Variants in TBXAS1 observed in about 807,000 individuals in gnomAD.
TBXAS1 encodes the protein thromboxane-A synthase.
In TBXAS1, 48 loss-of-function variants were observed where a neutral mutation model predicts 60.7. The observed-to-expected ratio is 0.79, with a 90% confidence interval of 0.63 to 1.01. The LOEUF is 1.01. Ranked by LOEUF, TBXAS1 falls within the 50% of genes least tolerant of loss-of-function variation. TBXAS1 has a pLI of 0.00. For missense variants in TBXAS1, 685 were observed against 686.3 expected (o/e 1.00, Z 0.02); for synonymous variants, 287 against 269.7 (o/e 1.06, Z -0.63).
At chr7:140,015,541 T>C (rs956243754) in intron 10 of TBXAS1, among the ~76,000 whole-genome samples, 182 bp from the exon 11 acceptor site, 2 of 151,964 alleles carry the variant, frequency 1.3e-5, no homozygotes, top group Non-Finnish European at 2.9e-5. Flanking sequence ...GGTAATGGGG[T>C]AGGGGCTTGG....
At chr7:139,856,909 C>G (rs932788668) in intron 1 of TBXAS1, among the ~76,000 whole-genome samples, 13 of 152,108 alleles carry the variant, frequency 8.5e-5, no homozygotes, top group Non-Finnish European at 1.5e-4. Context: ...GGCGTTATGG[C>G]GTCAACACCA....
At chr7:139,962,528 C>T (rs1810456530) in intron 9 of TBXAS1, 1 of 389,018 alleles carries the variant, frequency 2.6e-6, no homozygotes, top group Non-Finnish European at 4.9e-6. Context: ...GGTGTCAGGC[C>T]CAAAGGGCAG....
intron 1 of TBXAS1, among the ~76,000 whole-genome samples, chr7:139,845,897 C>A (rs1799768945): frequency 6.7e-6 from 1 of 148,304 alleles, no homozygotes; most frequent in Non-Finnish European, 1.5e-5. Context: ...AATCACAGCT[C>A]ACTGCAGCCT....
chr7:139,872,167 T>A, intron 1 of TBXAS1, 68 bp from the exon 2 acceptor site: 1 of 1,459,824 alleles, frequency 6.9e-7, no homozygotes, highest in South Asian at 1.1e-5. Context: ...TAATTCTAGT[T>A]CCTAATAGAG....
At chr7:139,862,623 G>T (rs534649819) in intron 1 of TBXAS1, among the ~76,000 whole-genome samples, 3 of 152,288 alleles carry the variant, frequency 2.0e-5, no homozygotes, top group Non-Finnish European at 2.9e-5. Flanking sequence ...TTTCCTTTAA[G>T]ATGGAAGACA....
At chr7:139,838,542 G>A (rs1171407252) in intron 1 of TBXAS1, among the ~76,000 whole-genome samples, 1 of 152,180 alleles carries the variant, frequency 6.6e-6, no homozygotes, top group East Asian at 1.9e-4. Flanking sequence ...TGTTCCAGTT[G>A]TTGAAGATGG....
chr7:139,961,225 C>T (rs569488392), intron 8 of TBXAS1, among the ~76,000 whole-genome samples: 16 of 152,292 alleles, frequency 1.1e-4, no homozygotes, highest in Non-Finnish European at 2.2e-4. Flanking sequence ...TGAAGACAGG[C>T]GCCGCCAAAC....
intron 3 of TBXAS1, among the ~76,000 whole-genome samples, chr7:139,782,954 G>T (rs1212400867): frequency 3.9e-5 from 6 of 152,024 alleles, no homozygotes; most frequent in Non-Finnish European, 1.5e-5. Flanking sequence ...TTATTCTTAA[G>T]AAATTACCTT....
At chr7:139,920,043 T>G (rs1794694445) in intron 4 of TBXAS1, among the ~76,000 whole-genome samples, 1 of 152,196 alleles carries the variant, frequency 6.6e-6, no homozygotes, top group African/African-American at 2.4e-5. Context: ...TGTACAGCCC[T>G]AAACATAAAG....
At chr7:139,867,379 G>A (rs1801499325) in intron 1 of TBXAS1, among the ~76,000 whole-genome samples, 1 of 152,184 alleles carries the variant, frequency 6.6e-6, no homozygotes, top group Admixed American at 6.5e-5. Flanking sequence ...CCAATTCCTG[G>A]AGGTAGATAA....
Position 139,841,797 on chromosome 7 carries a change from C to T in TBXAS1, c.89+12318C>T, listed in dbSNP as rs74470695. Among the ~76,000 whole-genome samples the T allele has an allele frequency of 4.8e-3, 737 of 152,250 alleles. 13 individuals carry two copies. Among genetic ancestry groups the T allele is most frequent in the East Asian group, 0.034 (178 of 5,180 alleles). On this transcript the variant is annotated intron_variant, in intron 1 of 12. Transcript: ENST00000448866. The stretch of plus-strand genomic sequence containing the variant: ...TATACAGCCAAATGAATTTTATGAC[C>T]TTCGGAGGCATTTTCCTGATAGGCT...
intron 9 of TBXAS1, among the ~76,000 whole-genome samples, chr7:139,994,350 C>T (rs35131552): frequency 0.051 from 7,760 of 152,314 alleles, 248 homozygotes; most frequent in South Asian, 0.14. Context: ...GCTGCTCTTC[C>T]CTTTTTACTG....
In TBXAS1 at chr7:140,007,102, G is replaced by GT. The variant is rs772450146; in HGVS notation, c.1148dup (p.Cys384LeufsTer58). The GT allele has an allele frequency of 2.5e-6, 4 of 1,614,062 alleles. No individual in the cohort carries two copies. In the African/African-American group the frequency reaches 5.3e-5, roughly 22 times the overall value. On this transcript the variant is annotated frameshift_variant, in exon 10 of 13. Transcript: ENST00000448866. LOFTEE classifies it high-confidence loss of function. ...GACCCCTCCATCAGATGGCCCCTGA[G>GT]TTCTGCAGCCTCGAGGAAGGCCTGC...
chr7:139,955,436 C>T, intron 6 of TBXAS1, 23 bp from the exon 7 acceptor site: 2 of 1,614,092 alleles, frequency 1.2e-6, no homozygotes, highest in Non-Finnish European at 8.5e-7. Flanking sequence ...CCTTTCAGAT[C>T]TCTGTGCTCC....
chr7:139,851,320 C>T (rs1008085112), intron 1 of TBXAS1, among the ~76,000 whole-genome samples: 7 of 152,162 alleles, frequency 4.6e-5, no homozygotes, highest in Admixed American at 4.6e-4. Flanking sequence ...TCAGTTTCCC[C>T]ATCTGTATAA....
rs756965786 is a variant in TBXAS1, at chr7:140,020,072, T to C, written c.1575T>C (p.Gly525=). The C allele has an allele frequency of 1.2e-6, 2 of 1,612,942 alleles. No homozygotes were observed. Among genetic ancestry groups the C allele is most frequent in the Non-Finnish European group, 1.7e-6 (2 of 1,179,830 alleles). ...AATCTGCCCTAGGTCCAAAAAATGG[T>C]GTCTATATCAAGATCGTATCCCGCT... ...ESKSALGPKN[G]VYIKIVSR The change falls in exon 13 of 13, where the codon GGT becomes GGC. Residue 525 remains glycine (G), a synonymous_variant. Transcript: ENST00000448866.
At chr7:139,937,834 G>A (rs561393373) in intron 5 of TBXAS1, among the ~76,000 whole-genome samples, 1 of 151,568 alleles carries the variant, frequency 6.6e-6, no homozygotes, top group African/African-American at 2.4e-5. Flanking sequence ...TGATTTTCCA[G>A]TGGTGCTCGG....
chr7:139,913,267 C>T lies in TBXAS1; in HGVS notation c.333+1946C>T, dbSNP rs1021649351. On this transcript the variant is annotated intron_variant, in intron 4 of 12. Coordinates refer to ENST00000448866, the MANE Select transcript of TBXAS1 (RefSeq NM_001061.7). ...TCGCTCAAAGTCCCCTGGAAGCCGT[C>T]TGTCAAGAAACTGATTCTGATTATT... 9 of 643,662 alleles carry T rather than the reference C, an allele frequency of 1.4e-5. No individual in the cohort carries two copies. The African/African-American group carries it at 1.6e-4, about 12-fold the overall frequency. 39.9% of individuals were successfully genotyped at this position (643,662 alleles called of 1,614,324 possible). A position where few individuals can be genotyped will look rare whatever the true frequency, so the allele number is the denominator to read the frequency against.
In TBXAS1 at chr7:139,794,917, T is replaced by C. The variant is rs1249463108; in HGVS notation, c.-80+7491T>C. ...ATTTTCTTAATCCAGTCTATCATTG[T>C]TGGACATTTGTGTTGGTTCCAAGTC... On this transcript the variant is annotated intron_variant, in intron 4 of 16. Transcript: ENST00000336425. Among the ~76,000 whole-genome samples the C allele has an allele frequency of 2.0e-5, 3 of 146,850 alleles. No individual in the cohort carries two copies. The East Asian group carries it at 6.1e-4, about 30-fold the overall frequency.
Sources: allele counts gnomAD v4.1 joint callset (sites outside exome capture counted in the v4.1 genomes callset), GRCh38; gene constraint gnomAD v4.1.1; transcripts MANE v1.5; gene names NCBI Gene and HGNC (gene_info 2026-07-23, HGNC 2026-07-21).